Variants in DYNLT2B observed in about 807,000 individuals in gnomAD.
The protein encoded by DYNLT2B is dynein light chain Tctex-type 2B.
Under a neutral mutation model 19.5 loss-of-function variants are expected in DYNLT2B, and 14 were observed. The observed-to-expected ratio is 0.72, with a 90% CI of 0.47 to 1.12. The LOEUF (loss-of-function observed/expected upper bound fraction) is 1.12, where lower values mean the gene tolerates loss of function less well. Among genes scored for constraint, DYNLT2B ranks in the 50% most tolerant of loss-of-function variants. The probability of loss-of-function intolerance (pLI) is 0.00; values close to 1 mark genes in which losing one functional copy is unlikely to be tolerated. For synonymous variants in DYNLT2B, 70 were observed against 59.7 expected (o/e 1.17, Z -0.79); for missense variants, 133 against 174.7 (o/e 0.76, Z 1.35).
chr3:196,291,221 C>G lies in DYNLT2B; in HGVS notation c.*106G>C. 1 of 981,118 alleles carries G rather than the reference C, an allele frequency of 1.0e-6. No homozygotes were observed. Among genetic ancestry groups the G allele is most frequent in the East Asian group, 2.6e-5 (1 of 37,972 alleles). 60.8% of individuals were successfully genotyped at this position (981,118 alleles called of 1,614,324 possible). A position where few individuals can be genotyped will look rare whatever the true frequency, so the allele number is the denominator to read the frequency against. Reference sequence around the variant, plus strand: ...TATAAGGCCTAAAACACAACAGATTCAGTTGTCAAACTACTAACATCTTTA... The same window carrying G: ...TATAAGGCCTAAAACACAACAGATTGAGTTGTCAAACTACTAACATCTTTA... On this transcript the variant is annotated 3_prime_UTR_variant, in exon 5 of 5. Coordinates refer to ENST00000325318, the MANE Select transcript of DYNLT2B (RefSeq NM_152773.5).
chr3:196,297,593 G>A (rs902109840), intron 3 of DYNLT2B, among the ~76,000 whole-genome samples: 1 of 151,934 alleles, frequency 6.6e-6, no homozygotes, highest in African/African-American at 2.4e-5. Flanking sequence ...TCTATTAAAC[G>A]TATGTGTATG....
intron 4 of DYNLT2B, among the ~76,000 whole-genome samples, chr3:196,293,434 T>C (rs1402613122): frequency 6.6e-6 from 1 of 151,836 alleles, no homozygotes; most frequent in Non-Finnish European, 1.5e-5. Context: ...GAGACCAGCC[T>C]GACCAAATAG....
Position 196,316,914 on chromosome 3 carries a change from G to GT in DYNLT2B, c.114-684_114-683insA, listed in dbSNP as rs1267478485. ...CAGTGTGTGTGTGTGTGTGTTGTGT[G>GT]GTGTGTGTGTGTGTTGTGTGGTGTG... On this transcript the variant is annotated intron_variant, in intron 1 of 4. Coordinates refer to ENST00000325318, the MANE Select transcript of DYNLT2B (RefSeq NM_152773.5). Among the ~76,000 whole-genome samples, 24 of 44,188 alleles carry GT rather than the reference G, an allele frequency of 5.4e-4. 2 individuals are homozygous for GT. The East Asian group carries it at 0.019, about 34-fold the overall frequency. 29.0% of individuals were successfully genotyped at this position (44,188 alleles called of 152,430 possible). A position where few individuals can be genotyped will look rare whatever the true frequency, so the allele number is the denominator to read the frequency against.
intron 3 of DYNLT2B, among the ~76,000 whole-genome samples, chr3:196,304,370 T>G (rs1199577854): frequency 6.6e-6 from 1 of 152,156 alleles, no homozygotes; most frequent in African/African-American, 2.4e-5. Flanking sequence ...TGACCTCAAG[T>G]GATCCACCCA....
intron 2 of DYNLT2B, among the ~76,000 whole-genome samples, chr3:196,314,941 A>G (rs1306879192): frequency 3.3e-5 from 5 of 152,202 alleles, no homozygotes; most frequent in Non-Finnish European, 1.5e-5. Flanking sequence ...GAGTAAGGGA[A>G]GTAGCTAAGG....
chr3:196,305,125 C>A (rs151253388), intron 3 of DYNLT2B, among the ~76,000 whole-genome samples: 8,624 of 152,196 alleles, frequency 0.057, 345 homozygotes, highest in Non-Finnish European at 0.089. Context: ...CTCAAGTGAT[C>A]CTCCTGCCTC....
intron 3 of DYNLT2B, among the ~76,000 whole-genome samples, chr3:196,306,097 T>G (rs1402327357): frequency 6.6e-6 from 1 of 152,032 alleles, no homozygotes; most frequent in East Asian, 1.9e-4. Flanking sequence ...TGTTTGAATC[T>G]TAATTTGAAA....
intron 3 of DYNLT2B, among the ~76,000 whole-genome samples, chr3:196,299,213 T>C (rs1726290987): frequency 6.6e-6 from 1 of 151,796 alleles, no homozygotes; most frequent in South Asian, 2.1e-4. Context: ...GCCTCCCAAG[T>C]AGCTGGGACT....
intron 1 of DYNLT2B, among the ~76,000 whole-genome samples, chr3:196,316,890 A>AGTGTATGTGT (rs1553842754): frequency 1.3e-5 from 1 of 74,198 alleles, no homozygotes; most frequent in African/African-American, 5.3e-5. Flanking sequence ...CATTTTTTTC[A>AGTGTATGTGT]GTGTGTGTGT....
intron 4 of DYNLT2B, among the ~76,000 whole-genome samples, chr3:196,293,834 G>A (rs911422620): frequency 6.0e-5 from 9 of 149,928 alleles, no homozygotes; most frequent in African/African-American, 1.7e-4. Flanking sequence ...TAGTAGAGAC[G>A]GGGTTTCAGC....
chr3:196,303,527 T>C (rs543056119), intron 3 of DYNLT2B, among the ~76,000 whole-genome samples: 1 of 152,318 alleles, frequency 6.6e-6, no homozygotes, highest in East Asian at 1.9e-4. Flanking sequence ...ATTGATATGA[T>C]ATGACGAGAA....
intron 2 of DYNLT2B, among the ~76,000 whole-genome samples, chr3:196,310,897 G>A (rs922861360): frequency 6.6e-6 from 1 of 151,296 alleles, no homozygotes; most frequent in African/African-American, 2.4e-5. Context: ...CACCACGCCT[G>A]GCTAATTCTT....
chr3:196,311,218 A>C (rs1726632216), intron 2 of DYNLT2B, among the ~76,000 whole-genome samples: 2 of 152,072 alleles, frequency 1.3e-5, no homozygotes, highest in African/African-American at 4.8e-5. Context: ...AAAAAGGAAG[A>C]AGCCTGGGCA....
At chr3:196,306,307 A>C (rs2108794460) in intron 3 of DYNLT2B, among the ~76,000 whole-genome samples, 1 of 150,668 alleles carries the variant, frequency 6.6e-6, no homozygotes, top group South Asian at 2.1e-4. Context: ...GCACACCTGC[A>C]GTCCCAGCTA....
At chr3:196,301,348 A>G (rs1227892304) in intron 3 of DYNLT2B, among the ~76,000 whole-genome samples, 3 of 152,226 alleles carry the variant, frequency 2.0e-5, no homozygotes, top group Non-Finnish European at 2.9e-5. Context: ...ATACATGATT[A>G]TCAAGAAAAA....
intron 1 of DYNLT2B, among the ~76,000 whole-genome samples, chr3:196,317,283 G>GT (rs1435434429): frequency 1.4e-4 from 12 of 83,684 alleles, no homozygotes; most frequent in Non-Finnish European, 2.0e-4. Context: ...TGTGTGTGTT[G>GT]TGTGTGTGTG....
Position 196,316,948 on chromosome 3 carries a change from T to G in DYNLT2B, c.114-717A>C, listed in dbSNP as rs561408435. Among the ~76,000 whole-genome samples, 142 of 134,058 alleles carry G rather than the reference T, an allele frequency of 1.1e-3. 1 individual carries two copies. The highest frequency in any genetic ancestry group is 3.7e-3 in the African/African-American group (131 of 35,452). 87.9% of individuals were successfully genotyped at this position (134,058 alleles called of 152,430 possible). A position where few individuals can be genotyped will look rare whatever the true frequency, so the allele number is the denominator to read the frequency against. ...GTGTGTTGTGTGGTGTGTGTGTGTG[T>G]GTGTAAAGTTAGTGATCTCACAAAC... On this transcript the variant is annotated intron_variant, in intron 1 of 4. Coordinates refer to ENST00000325318, the MANE Select transcript of DYNLT2B (RefSeq NM_152773.5).
intron 2 of DYNLT2B, among the ~76,000 whole-genome samples, chr3:196,311,891 TTTTTG>T (rs1398455952): frequency 1.3e-5 from 2 of 151,882 alleles, no homozygotes; most frequent in East Asian, 1.9e-4. Context: ...GCCCGGCTAA[TTTTTG>T]TTTTGTTTTT....
In DYNLT2B at chr3:196,291,479, A is replaced by G. The variant is rs372363993; in HGVS notation, c.382-105T>C. On this transcript the variant is annotated intron_variant, in intron 4 of 4. Coordinates refer to ENST00000325318, the MANE Select transcript of DYNLT2B (RefSeq NM_152773.5). ...ACTAACACCATCTCAGATCTTTCCA[A>G]TTTTTTTTTTCTTTTTTGAGACAGG... The G allele has an allele frequency of 7.6e-6, 9 of 1,179,552 alleles. No homozygotes were observed. The African/African-American group carries it at 1.1e-4, about 15-fold the overall frequency. 73.1% of individuals were successfully genotyped at this position (1,179,552 alleles called of 1,614,324 possible).
Sources: gnomAD v4.1 joint callset for allele counts (sites outside exome capture counted in the v4.1 genomes callset) on GRCh38, gnomAD v4.1.1 for gene constraint, MANE v1.5 for transcripts, NCBI Gene and HGNC (gene_info 2026-07-23, HGNC 2026-07-21) for gene names.